Variants in CDH20 observed in about 807,000 individuals in gnomAD.
CDH20 encodes cadherin-20.
CDH20 carries 29 observed loss-of-function variants against 74.2 expected under a neutral mutation model. The observed-to-expected ratio is 0.39, with a 90% CI of 0.29 to 0.53. CDH20 has a LOEUF of 0.53. Among genes scored for constraint, CDH20 ranks in the 20% least tolerant of loss-of-function variants. The probability of loss-of-function intolerance (pLI) is 0.69; values close to 1 mark genes in which losing one functional copy is unlikely to be tolerated. For synonymous variants in CDH20, 469 were observed against 405.4 expected (o/e 1.16, Z -1.88); for missense variants, 988 against 1,048.3 (o/e 0.94, Z 0.79).
intron 6 of CDH20, among the ~76,000 whole-genome samples, chr18:61,518,210 G>T (rs1260192062): frequency 1.3e-5 from 2 of 152,204 alleles, no homozygotes; most frequent in Non-Finnish European, 2.9e-5. Flanking sequence ...AGACTTAAAT[G>T]CTCCTGCCTG....
chr18:61,456,906 A>G (rs922938198), intron 1 of CDH20, among the ~76,000 whole-genome samples: 1 of 152,024 alleles, frequency 6.6e-6, no homozygotes, highest in African/African-American at 2.4e-5. Context: ...TCTCCCTTGT[A>G]TCTCCTTTCA....
chr18:61,401,214 C>T (rs1912142712), intron 1 of CDH20, among the ~76,000 whole-genome samples: 1 of 152,212 alleles, frequency 6.6e-6, no homozygotes, highest in Non-Finnish European at 1.5e-5. Context: ...TGCTGCAAAG[C>T]ATTCTAATAA....
At chr18:61,466,978 C>A (rs2144370134) in intron 1 of CDH20, among the ~76,000 whole-genome samples, 1 of 152,238 alleles carries the variant, frequency 6.6e-6, no homozygotes, top group African/African-American at 2.4e-5. Flanking sequence ...CTTGGCCTGG[C>A]TTGGCTCAGT....
chr18:61,379,593 G>A (rs761793855), intron 1 of CDH20, among the ~76,000 whole-genome samples: 7 of 152,144 alleles, frequency 4.6e-5, no homozygotes, highest in South Asian at 2.1e-4. Context: ...TTTTGGTATC[G>A]TGAGATAGTT....
intron 1 of CDH20, among the ~76,000 whole-genome samples, chr18:61,482,219 G>T (rs1910612953): frequency 6.6e-6 from 1 of 152,122 alleles, no homozygotes; most frequent in South Asian, 2.1e-4. Flanking sequence ...AAAAGAGAAA[G>T]TTCCTGCCTC....
chr18:61,394,639 T>C lies in CDH20; in HGVS notation c.-153+60812T>C, dbSNP rs185905858. 2.6e-5 allele frequency among the ~76,000 whole-genome samples: 4 copies of C among 152,270 alleles called. No homozygotes were observed. The East Asian group carries it at 5.8e-4, about 22-fold the overall frequency. ...ACTGTGAGACAATAGATTACTGTTGTTTAAGCCACTCCATCTGTGGTACTT... is the reference window on the plus strand; with the variant it reads ...ACTGTGAGACAATAGATTACTGTTGCTTAAGCCACTCCATCTGTGGTACTT... On this transcript the variant is annotated intron_variant, in intron 1 of 11. Coordinates refer to ENST00000262717, the MANE Select transcript of CDH20 (RefSeq NM_031891.4).
chr18:61,483,341 G>T (rs1292999548), intron 1 of CDH20, among the ~76,000 whole-genome samples: 1 of 152,162 alleles, frequency 6.6e-6, no homozygotes, highest in African/African-American at 2.4e-5. Flanking sequence ...CCTTGAAAGT[G>T]AGAGGCTTTG....
chr18:61,530,494 ATATC>A (rs1182628747), intron 7 of CDH20, among the ~76,000 whole-genome samples: 6 of 152,214 alleles, frequency 3.9e-5, no homozygotes, highest in Non-Finnish European at 8.8e-5. Flanking sequence ...TAAAGAGAAA[ATATC>A]TATCAAATAA....
rs186397476 is a variant in CDH20, at chr18:61,412,126, C to A, written c.-152-78276C>A. ...GGATTGAAAGAACACATTTGCCAGG[C>A]ATAGAAAACAAAGAGTTAAAAGTTT... is the stretch of plus-strand genomic sequence containing the variant. On this transcript the variant is annotated intron_variant, in intron 1 of 11. Transcript: ENST00000262717. Among the ~76,000 whole-genome samples, 28 of 151,130 alleles carry A rather than the reference C, an allele frequency of 1.9e-4. No homozygotes were observed. In the East Asian group the frequency reaches 5.0e-3, roughly 27 times the overall value.
intron 1 of CDH20, among the ~76,000 whole-genome samples, chr18:61,431,726 A>T (rs1238354152): frequency 1.3e-5 from 2 of 152,170 alleles, no homozygotes; most frequent in African/African-American, 4.8e-5. Flanking sequence ...TTGTTGCTTT[A>T]ATTTGAATTT....
At chr18:61,521,113 CA>C in intron 6 of CDH20, among the ~76,000 whole-genome samples, 1 of 150,820 alleles carries the variant, frequency 6.6e-6, no homozygotes, top group South Asian at 2.1e-4. Context: ...AAAAAACCTT[CA>C]AAAAAATCAT....
At chr18:61,402,571 A>G (rs1912191448) in intron 1 of CDH20, among the ~76,000 whole-genome samples, 1 of 152,202 alleles carries the variant, frequency 6.6e-6, no homozygotes, top group South Asian at 2.1e-4. Flanking sequence ...CACCATATGA[A>G]TAACCTGCCT....
At chr18:61,537,820 G>A (rs1912862648) in intron 8 of CDH20, among the ~76,000 whole-genome samples, 1 of 152,072 alleles carries the variant, frequency 6.6e-6, no homozygotes, top group Non-Finnish European at 1.5e-5. Flanking sequence ...GTATTTAGGG[G>A]GGAAAGAGTA....
chr18:61,395,760 C>A (rs1386155142), intron 1 of CDH20, among the ~76,000 whole-genome samples: 2 of 152,120 alleles, frequency 1.3e-5, no homozygotes, highest in Non-Finnish European at 2.9e-5. Context: ...CTTGGCCAGG[C>A]GCGGTGGCTT....
intron 6 of CDH20, among the ~76,000 whole-genome samples, chr18:61,525,195 T>C (rs1912349402): frequency 6.6e-6 from 1 of 152,128 alleles, no homozygotes. Flanking sequence ...CTGAATACAC[T>C]AGTCAAAACC....
chr18:61,348,608 G>A (rs753338070), intron 1 of CDH20, among the ~76,000 whole-genome samples: 11 of 152,144 alleles, frequency 7.2e-5, no homozygotes, highest in South Asian at 6.2e-4. Flanking sequence ...TGCTGGGAAG[G>A]TTCTAAGTCC....
intron 1 of CDH20, among the ~76,000 whole-genome samples, chr18:61,440,667 AGGC>A (rs1908997860): frequency 6.6e-6 from 1 of 152,164 alleles, no homozygotes. Flanking sequence ...GGTCTTGGCT[AGGC>A]GTCTCAACGT....
At chr18:61,355,649 C>T (rs1910473994) in intron 1 of CDH20, among the ~76,000 whole-genome samples, 1 of 152,052 alleles carries the variant, frequency 6.6e-6, no homozygotes, top group African/African-American at 2.4e-5. Context: ...AAAACACGGG[C>T]TCTGATTAAA....
chr18:61,530,230 G>A (rs1390531338), intron 7 of CDH20, among the ~76,000 whole-genome samples: 2 of 152,124 alleles, frequency 1.3e-5, no homozygotes, highest in Non-Finnish European at 2.9e-5. Flanking sequence ...AATGGTCCCT[G>A]GACCCAAGAA....
Sources: gnomAD v4.1 joint callset for allele counts (sites outside exome capture counted in the v4.1 genomes callset) on GRCh38, gnomAD v4.1.1 for gene constraint, MANE v1.5 for transcripts, NCBI Gene and HGNC (gene_info 2026-07-23, HGNC 2026-07-21) for gene names.